Variants in LDHC observed in about 807,000 individuals in gnomAD.
LDHC encodes the protein L-lactate dehydrogenase C chain.
LDHC carries 20 observed loss-of-function variants against 30.2 expected under a neutral mutation model. The observed-to-expected ratio is 0.66, with a 90% CI of 0.47 to 0.96. The LOEUF (loss-of-function observed/expected upper bound fraction) is 0.96. Among genes scored for constraint, LDHC ranks in the 40% least tolerant of loss-of-function variants. LDHC has a pLI of 0.00. For synonymous variants in LDHC, 139 were observed against 132.7 expected (o/e 1.05, Z -0.32); for missense variants, 362 against 394.9 (o/e 0.92, Z 0.71).
Position 18,441,322 on chromosome 11 carries a change from CT to C in LDHC, c.710+2687del, listed in dbSNP as rs1281501755. ...ATCTTCTTTAGAAGGTATTTCTTTT[CT>C]TTTTTTTTTATTTGAGATGGGGTCT... On this transcript the variant is annotated intron_variant, in intron 6 of 7. Coordinates refer to ENST00000541669, the MANE Select transcript of LDHC (RefSeq NM_017448.5). Among the ~76,000 whole-genome samples the C allele has an allele frequency of 1.9e-4, 28 of 148,382 alleles. No individual in the cohort carries two copies. In the East Asian group the frequency reaches 2.0e-3, roughly 11 times the overall value.
chr11:18,413,256 T>C (rs1320563349), intron 2 of LDHC, among the ~76,000 whole-genome samples: 1 of 151,316 alleles, frequency 6.6e-6, no homozygotes, highest in Non-Finnish European at 1.5e-5. Context: ...TAATTTTTTA[T>C]ATTTTTAGTA....
intron 7 of LDHC, 131 bp downstream of exon 7, chr11:18,446,464 G>C (rs566676708): frequency 1.5e-6 from 1 of 678,442 alleles, no homozygotes; most frequent in Non-Finnish European, 2.5e-6. Context: ...CTTGACCTCA[G>C]GTCAGGTCAA....
chr11:18,447,164 C>T (rs144442063), intron 7 of LDHC, among the ~76,000 whole-genome samples: 1 of 148,464 alleles, frequency 6.7e-6, no homozygotes, highest in African/African-American at 2.5e-5. Context: ...GACGGAGTCT[C>T]ACTCTGTCAC....
rs569075898 is a variant in LDHC at position 18,446,202 on chromosome 11, A to T, written c.711-8A>T. The T allele has an allele frequency of 1.3e-6, 2 of 1,596,350 alleles. No individual in the cohort carries two copies. The highest frequency in any genetic ancestry group is 2.2e-5 in the South Asian group (2 of 90,458). On this transcript the variant is annotated splice_region_variant and splice_polypyrimidine_tract_variant and intron_variant, in intron 6 of 7. Coordinates refer to ENST00000541669, the MANE Select transcript of LDHC (RefSeq NM_017448.5). ...TGAATTTGATTTTCTTACTTTCTAC[A>T]ACTGTAGTGCCTATGAAATTATCAA...
At chr11:18,443,484 C>T (rs1363265162) in intron 6 of LDHC, among the ~76,000 whole-genome samples, 5 of 139,624 alleles carry the variant, frequency 3.6e-5, no homozygotes, top group Non-Finnish European at 6.1e-5. Flanking sequence ...TTTTGAGACA[C>T]AGTCTGGCTC....
At chr11:18,420,247 T>G (rs1414358391) in intron 3 of LDHC, among the ~76,000 whole-genome samples, 1 of 152,094 alleles carries the variant, frequency 6.6e-6, no homozygotes, top group African/African-American at 2.4e-5. Context: ...TAATCACATT[T>G]GAAGAGATTA....
At chr11:18,412,958 T>C (rs1262822650) in intron 2 of LDHC, 115 bp downstream of exon 2, 2 of 774,708 alleles carry the variant, frequency 2.6e-6, no homozygotes, top group Non-Finnish European at 3.8e-6. Flanking sequence ...ATGTATCCTT[T>C]GACCTTTCCT....
rs527339433 is a variant in LDHC at position 18,424,210 on chromosome 11, T to C, written c.245-5527T>C. Among the ~76,000 whole-genome samples the C allele has an allele frequency of 2.9e-3, 434 of 151,960 alleles. 4 individuals carry two copies. Among genetic ancestry groups the C allele is most frequent in the Middle Eastern group, 0.014 (4 of 294 alleles). On this transcript the variant is annotated intron_variant, in intron 3 of 7. Transcript: ENST00000541669. ...CAGCCTGACCAACATGGTGAAACCCTGTCTCTACTAAAAATACAAAAATTA... is the reference window on the plus strand; with the variant it reads ...CAGCCTGACCAACATGGTGAAACCCCGTCTCTACTAAAAATACAAAAATTA...
Position 18,415,202 on chromosome 11 carries a change from G to T in LDHC, c.145G>T (p.Ala49Ser). The T allele has an allele frequency of 6.2e-7, 1 of 1,600,654 alleles. No individual in the cohort carries two copies. Among genetic ancestry groups the T allele is most frequent in the Non-Finnish European group, 8.5e-7 (1 of 1,170,770 alleles). The change falls in exon 3 of 8, where the codon GCC (alanine) becomes TCC (serine). Residue 49 changes from alanine (A) to serine (S), a missense_variant. Coordinates refer to ENST00000541669, the MANE Select transcript of LDHC (RefSeq NM_017448.5). ...ILLKDLADEL[A>S]LVDVALDKLK... ...ATTTTAGGATTTGGCTGATGAACTT[G>T]CCCTTGTTGATGTTGCATTGGACAA...
chr11:18,444,649 T>TATGC (rs1848524581), intron 6 of LDHC, among the ~76,000 whole-genome samples: 1 of 129,732 alleles, frequency 7.7e-6, no homozygotes, highest in South Asian at 2.5e-4. Flanking sequence ...TATATATATA[T>TATGC]GCCTTATCTT....
intron 6 of LDHC, among the ~76,000 whole-genome samples, chr11:18,443,466 T>C (rs936481821): frequency 2.7e-5 from 4 of 150,470 alleles, no homozygotes; most frequent in African/African-American, 9.8e-5. Flanking sequence ...CTTTCTTTTT[T>C]TTTTTTTTTT....
intron 6 of LDHC, among the ~76,000 whole-genome samples, chr11:18,440,925 A>G (rs1021658207): frequency 2.0e-5 from 3 of 150,908 alleles, no homozygotes; most frequent in African/African-American, 7.3e-5. Context: ...GACAGCAGAG[A>G]AAAATCCTGT....
chr11:18,434,405 A>C (rs1366818954), intron 4 of LDHC, among the ~76,000 whole-genome samples: 1 of 151,852 alleles, frequency 6.6e-6, no homozygotes, highest in Non-Finnish European at 1.5e-5. Context: ...TATATTACCA[A>C]AGTTGGTTTT....
rs1232101136 is a variant in LDHC at position 18,452,058 on chromosome 11, C to G, written c.*931C>G. On this transcript the variant is annotated 3_prime_UTR_variant, in exon 8 of 8. Coordinates refer to ENST00000541669, the MANE Select transcript of LDHC (RefSeq NM_017448.5). Reference sequence around the variant, plus strand: ...GCAAGTATTATACTAGTCATATAAACTCAAATAGTTGATTTGGTGTCTCAA... The same window carrying G: ...GCAAGTATTATACTAGTCATATAAAGTCAAATAGTTGATTTGGTGTCTCAA... The G allele has an allele frequency of 6.6e-6, 1 of 152,124 alleles. No homozygotes were observed. The highest frequency in any genetic ancestry group is 1.5e-5 in the Non-Finnish European group (1 of 68,018). 9.4% of individuals were successfully genotyped at this position (152,124 alleles called of 1,614,324 possible). A position where few individuals can be genotyped will look rare whatever the true frequency, so the allele number is the denominator to read the frequency against.
At chr11:18,420,012 A>C (rs1867088536) in intron 3 of LDHC, among the ~76,000 whole-genome samples, 1 of 152,188 alleles carries the variant, frequency 6.6e-6, no homozygotes, top group African/African-American at 2.4e-5. Flanking sequence ...GAATCACTTG[A>C]ACCAGGAGGC....
intron 4 of LDHC, among the ~76,000 whole-genome samples, chr11:18,434,133 G>A (rs1257175046): frequency 2.0e-5 from 3 of 151,848 alleles, no homozygotes; most frequent in Non-Finnish European, 4.4e-5. Context: ...ATCTAAAAGT[G>A]TGTCCAAAAT....
At chr11:18,434,940 T>TG in intron 5 of LDHC, 27 bp downstream of exon 5, 1 of 1,489,952 alleles carries the variant, frequency 6.7e-7, no homozygotes, top group Non-Finnish European at 9.3e-7. Flanking sequence ...TATTATTACG[T>TG]GACTACCCTT....
chr11:18,422,350 T>A (rs948990113), intron 3 of LDHC, among the ~76,000 whole-genome samples: 16 of 151,130 alleles, frequency 1.1e-4, no homozygotes, highest in African/African-American at 3.9e-4. Flanking sequence ...AGGCCAGGAG[T>A]TTGAGATCAG....
chr11:18,420,915 G>A (rs1364804012), intron 3 of LDHC, among the ~76,000 whole-genome samples: 2 of 151,980 alleles, frequency 1.3e-5, no homozygotes, highest in Non-Finnish European at 1.5e-5. Flanking sequence ...ATAAATATAC[G>A]GGCGAGGGGT....
Sources: gnomAD v4.1 joint callset for allele counts (sites outside exome capture counted in the v4.1 genomes callset) on GRCh38, gnomAD v4.1.1 for gene constraint, MANE v1.5 for transcripts, NCBI Gene and HGNC (gene_info 2026-07-23, HGNC 2026-07-21) for gene names.